FAM120A: variants seen among roughly 807,000 people sequenced by gnomAD.
FAM120A encodes the protein constitutive coactivator of PPAR-gamma-like protein 1.
A neutral mutation model predicts 109.7 loss-of-function variants in FAM120A; 15 were observed. The ratio of observed to expected loss-of-function variants is 0.14; its 90% CI spans 0.09 to 0.21. The LOEUF is 0.21. Among genes scored for constraint, FAM120A ranks in the 10% least tolerant of loss-of-function variants. The pLI, the probability that FAM120A is intolerant of heterozygous loss-of-function variation, is 1.00. For synonymous variants in FAM120A, 493 were observed against 572.8 expected, an observed-to-expected ratio of 0.86 and a Z score of 1.99; for missense variants, 899 against 1,439.3, an observed-to-expected ratio of 0.62 and a Z score of 6.07.
intron 10 of FAM120A, among the ~76,000 whole-genome samples, chr9:93,535,922 GTTTA>G (rs1429665493): frequency 2.0e-5 from 3 of 152,130 alleles, no homozygotes; most frequent in African/African-American, 7.2e-5. Flanking sequence ...CATATAACCT[GTTTA>G]TTAGATTTTA....
intron 5 of FAM120A, among the ~76,000 whole-genome samples, chr9:93,514,099 T>C (rs1265881465): frequency 6.6e-6 from 1 of 152,176 alleles, no homozygotes; most frequent in Non-Finnish European, 1.5e-5. Context: ...TCAGGAAACT[T>C]AGCATCATGG....
chr9:93,485,483 A>G (rs1859003914), intron 3 of FAM120A, among the ~76,000 whole-genome samples: 1 of 152,096 alleles, frequency 6.6e-6, no homozygotes, highest in African/African-American at 2.4e-5. Flanking sequence ...TGTAGTCCCA[A>G]CTACTTGACA....
In FAM120A at chr9:93,558,089, C is replaced by T. The variant is rs757090816; in HGVS notation, c.2668+79C>T. On this transcript the variant is annotated intron_variant, in intron 14 of 17. Coordinates refer to ENST00000277165, the MANE Select transcript of FAM120A (RefSeq NM_014612.5). Reference sequence around the variant, plus strand: ...GAAAGTGCAGCCCTTATAGGCAAGCCCATCTGCTGTGTTGACCTTGTCACT... The same window carrying T: ...GAAAGTGCAGCCCTTATAGGCAAGCTCATCTGCTGTGTTGACCTTGTCACT... 3.9e-4 allele frequency: 544 copies of T among 1,379,842 alleles called. 1 individual carries two copies. Among genetic ancestry groups the T allele is most frequent in the Non-Finnish European group, 4.7e-4 (486 of 1,042,414 alleles). 85.5% of individuals were successfully genotyped at this position (1,379,842 alleles called of 1,614,324 possible). A position where few individuals can be genotyped will look rare whatever the true frequency, so the allele number is the denominator to read the frequency against.
chr9:93,525,507 G>A (rs1861038629), intron 7 of FAM120A, among the ~76,000 whole-genome samples: 1 of 152,208 alleles, frequency 6.6e-6, no homozygotes, highest in Non-Finnish European at 1.5e-5. Context: ...AACAGTTTGA[G>A]AACACTTATT....
intron 11 of FAM120A, among the ~76,000 whole-genome samples, chr9:93,545,779 C>CTTTTTTTTTTTTTTT (rs1564355502): frequency 2.3e-5 from 2 of 86,994 alleles, no homozygotes; most frequent in African/African-American, 8.6e-5. Context: ...GGGAAAGACT[C>CTTTTTTTTTTTTTTT]CTTTTTTTTT....
At chr9:93,513,541 C>T (rs1278524068) in intron 5 of FAM120A, among the ~76,000 whole-genome samples, 1 of 152,154 alleles carries the variant, frequency 6.6e-6, no homozygotes, top group Non-Finnish European at 1.5e-5. Context: ...CTCATTATTC[C>T]CAGCTTCTCA....
intron 11 of FAM120A, among the ~76,000 whole-genome samples, chr9:93,546,369 G>A (rs188684583): frequency 9.9e-5 from 15 of 152,256 alleles, no homozygotes; most frequent in African/African-American, 3.4e-4. Context: ...ACACTCTGGG[G>A]CCCCGCGGCC....
At chr9:93,496,721 C>T (rs1486855679) in intron 3 of FAM120A, among the ~76,000 whole-genome samples, 1 of 152,200 alleles carries the variant, frequency 6.6e-6, no homozygotes, top group African/African-American at 2.4e-5. Flanking sequence ...GCAGCATATT[C>T]GCAGGTTCTG....
intron 12 of FAM120A, among the ~76,000 whole-genome samples, chr9:93,552,548 T>TG (rs977517427): frequency 9.2e-5 from 14 of 151,746 alleles, no homozygotes; most frequent in Admixed American, 4.6e-4. Context: ...TAGCATTTGT[T>TG]GGGGGGGAAA....
intron 17 of FAM120A, among the ~76,000 whole-genome samples, chr9:93,562,665 C>CTTTTTTT (rs535421624): frequency 8.9e-5 from 12 of 134,984 alleles, no homozygotes; most frequent in Admixed American, 1.5e-4. Flanking sequence ...CTTTCTTTTT[C>CTTTTTTT]TTTTTTTTTT....
chr9:93,489,476 G>C (rs1234635638), intron 3 of FAM120A, among the ~76,000 whole-genome samples: 1 of 152,220 alleles, frequency 6.6e-6, no homozygotes, highest in Non-Finnish European at 1.5e-5. Flanking sequence ...ATGGAGCCCA[G>C]GTTCCAGTAG....
intron 10 of FAM120A, among the ~76,000 whole-genome samples, chr9:93,540,002 G>T (rs1411263955): frequency 6.6e-6 from 1 of 152,232 alleles, no homozygotes; most frequent in Non-Finnish European, 1.5e-5. Context: ...TGTGTAAAAT[G>T]TGAGTTCATC....
In FAM120A at chr9:93,550,700, T is replaced by C. The variant is rs1192576500; in HGVS notation, c.2274+9T>C. On this transcript the variant is annotated intron_variant, in intron 12 of 17. Transcript: ENST00000277165. ...AGCTCCAGGAGCTCAAGGTAATTTATCAGCCTCATTGCATTGTCTTGGACA... is the reference window on the plus strand; with the variant it reads ...AGCTCCAGGAGCTCAAGGTAATTTACCAGCCTCATTGCATTGTCTTGGACA... The C allele has an allele frequency of 6.2e-7, 1 of 1,603,922 alleles. No homozygotes were observed. The highest frequency in any genetic ancestry group is 2.2e-5 in the East Asian group (1 of 44,852).
At position 93,456,388 on chromosome 9, in the gene FAM120A, A is replaced by G. The variant is rs75608255; in HGVS notation, c.474+3999A>G. On this transcript the variant is annotated intron_variant, in intron 1 of 17. Coordinates refer to ENST00000277165, the MANE Select transcript of FAM120A (RefSeq NM_014612.5). ...TGCTTCCATTGGAATTTTGTTAAAT[A>G]ATGCTCTTACATAAAATGGCGTTCA... Among the ~76,000 whole-genome samples, 749 of 152,348 alleles carry G rather than the reference A, an allele frequency of 4.9e-3. 8 individuals carry two copies. Among genetic ancestry groups the G allele is most frequent in the African/African-American group, 0.015 (632 of 41,574 alleles).
chr9:93,501,841 T>C (rs969191712), intron 5 of FAM120A, among the ~76,000 whole-genome samples: 29 of 152,226 alleles, frequency 1.9e-4, no homozygotes, highest in Non-Finnish European at 2.9e-4. Flanking sequence ...TTAGTTTTTT[T>C]CTGATAACTC....
chr9:93,558,087 G>C, intron 14 of FAM120A, 77 bp downstream of exon 14: 1 of 1,393,490 alleles, frequency 7.2e-7, no homozygotes, highest in South Asian at 1.5e-5. Flanking sequence ...TTATAGGCAA[G>C]CCCATCTGCT....
chr9:93,519,707 T>C (rs1860760777), intron 7 of FAM120A, among the ~76,000 whole-genome samples: 1 of 152,036 alleles, frequency 6.6e-6, no homozygotes, highest in Non-Finnish European at 1.5e-5. Context: ...GAAGGAATAA[T>C]GTGGGACACC....
At chr9:93,477,609 G>C (rs888151500) in intron 3 of FAM120A, among the ~76,000 whole-genome samples, 2 of 152,188 alleles carry the variant, frequency 1.3e-5, no homozygotes, top group African/African-American at 4.8e-5. Context: ...TAAGAGCACT[G>C]CACCTGTGCT....
chr9:93,524,612 C>T (rs1472135051), intron 7 of FAM120A, among the ~76,000 whole-genome samples: 1 of 152,194 alleles, frequency 6.6e-6, no homozygotes, highest in Admixed American at 6.5e-5. Flanking sequence ...GCTGCATTCT[C>T]ACATATGTGT....
Sources: gnomAD v4.1 joint callset for allele counts (sites outside exome capture counted in the v4.1 genomes callset) on GRCh38, gnomAD v4.1.1 for gene constraint, MANE v1.5 for transcripts, NCBI Gene and HGNC (gene_info 2026-07-23, HGNC 2026-07-21) for gene names.